The following GPR19 variants were observed in gnomAD, a reference collection of about 807,000 sequenced individuals.
GPR19 encodes G protein-coupled receptor 19.
A neutral mutation model predicts 28.5 loss-of-function variants in GPR19; 14 were observed. The ratio of observed to expected loss-of-function variants is 0.49; its 90% confidence interval spans 0.32 to 0.77. The LOEUF (loss-of-function observed/expected upper bound fraction) is 0.77. GPR19 is among the 30% of genes least tolerant of loss of function. The pLI is 0.03. For synonymous variants in GPR19, 173 were observed against 184.1 expected (o/e 0.94, Z 0.49); for missense variants, 409 against 504.1 (o/e 0.81, Z 1.81).
chr12:12,712,284 T>C, the GPR19 span, among the ~76,000 whole-genome samples: 2 of 152,200 alleles, frequency 1.3e-5, no homozygotes, highest in African/African-American at 2.4e-5. Context: ...CTGCCCAGCT[T>C]TTCATTTAGC....
At chr12:12,694,476 G>C (rs1364017564) in intron 2 of GPR19, among the ~76,000 whole-genome samples, 62 of 151,872 alleles carry the variant, frequency 4.1e-4, no homozygotes, top group Non-Finnish European at 1.0e-4. Flanking sequence ...AAAGTGCTGA[G>C]ATTACAGGCG....
At chr12:12,701,693 G>A in the GPR19 span, among the ~76,000 whole-genome samples, 1 of 152,138 alleles carries the variant, frequency 6.6e-6, no homozygotes, top group Admixed American at 6.5e-5. Context: ...CACTGTGGGA[G>A]GCCAAGGCAG....
the GPR19 span, chr12:12,717,169 A>G: frequency 9.7e-7 from 1 of 1,036,064 alleles, no homozygotes; most frequent in East Asian, 5.9e-5. Flanking sequence ...TGGCAGCAGT[A>G]CCCCTCCAGC....
intron 2 of GPR19, among the ~76,000 whole-genome samples, chr12:12,685,282 T>TGG (rs138327192): frequency 5.9e-5 from 8 of 135,498 alleles, no homozygotes; most frequent in East Asian, 4.3e-4. Context: ...TTTTTTTTGG[T>TGG]GGGGGGGAGG....
chr12:12,666,007 G>A (rs1221789084), intron 3 of GPR19, among the ~76,000 whole-genome samples: 1 of 152,120 alleles, frequency 6.6e-6, no homozygotes, highest in Non-Finnish European at 1.5e-5. Context: ...AGGCTTCACA[G>A]AAGAGGTAAA....
chr12:12,694,528 C>T (rs1209999629), intron 2 of GPR19, among the ~76,000 whole-genome samples: 1 of 152,050 alleles, frequency 6.6e-6, no homozygotes, highest in Non-Finnish European at 1.5e-5. Context: ...TGTCTTAAAG[C>T]TCCCTAAATA....
At chr12:12,664,783 G>A (rs1477771057) in intron 3 of GPR19, among the ~76,000 whole-genome samples, 1 of 151,926 alleles carries the variant, frequency 6.6e-6, no homozygotes, top group Admixed American at 6.6e-5. Flanking sequence ...AGCCGGGCGT[G>A]GTGGCAGGCG....
the GPR19 span, among the ~76,000 whole-genome samples, chr12:12,707,437 G>A: frequency 6.6e-6 from 1 of 152,204 alleles, no homozygotes; most frequent in Non-Finnish European, 1.5e-5. Context: ...TTTGTTCTCT[G>A]CTGTGTCCTC....
At chr12:12,713,412 G>GGCCCC in the GPR19 span, among the ~76,000 whole-genome samples, 68 of 152,024 alleles carry the variant, frequency 4.5e-4, no homozygotes, top group African/African-American at 1.5e-3. Flanking sequence ...ATCCACCATG[G>GGCCCC]GCCCCCCTGC....
At chr12:12,667,426 C>T (rs1366627841) in intron 3 of GPR19, among the ~76,000 whole-genome samples, 1 of 152,146 alleles carries the variant, frequency 6.6e-6, no homozygotes, top group East Asian at 1.9e-4. Flanking sequence ...CATGGTGGCT[C>T]ATACCTGTAA....
chr12:12,664,919 C>CAAAAAA (rs746346681), intron 3 of GPR19, among the ~76,000 whole-genome samples: 23 of 31,110 alleles, frequency 7.4e-4, no homozygotes, highest in African/African-American at 1.9e-3. Context: ...GACGCCATCT[C>CAAAAAA]AAAAAAAAAA....
upstream of GPR19, among the ~76,000 whole-genome samples, chr12:12,697,179 C>CAAAAAAAAA (rs1946279518): frequency 9.9e-5 from 2 of 20,166 alleles, no homozygotes; most frequent in Non-Finnish European, 1.5e-4. Context: ...AAAAAAAAAG[C>CAAAAAAAAA]AGCCATGCAA....
chr12:12,713,039 C>T, the GPR19 span, among the ~76,000 whole-genome samples: 1 of 150,272 alleles, frequency 6.7e-6, no homozygotes, highest in Non-Finnish European at 1.5e-5. Context: ...CCTACCTGGT[C>T]CTATCTGATC....
At chr12:12,685,733 C>T (rs1372824380) in intron 2 of GPR19, among the ~76,000 whole-genome samples, 1 of 152,158 alleles carries the variant, frequency 6.6e-6, no homozygotes, top group Non-Finnish European at 1.5e-5. Flanking sequence ...CTGCTTCTTT[C>T]CTTAAAAATC....
At chr12:12,671,270 C>A (rs1466731868) in intron 3 of GPR19, among the ~76,000 whole-genome samples, 3 of 150,692 alleles carry the variant, frequency 2.0e-5, no homozygotes, top group Non-Finnish European at 4.4e-5. Flanking sequence ...TACACCACTG[C>A]ACTCCAACCC....
the GPR19 span, among the ~76,000 whole-genome samples, chr12:12,709,137 A>AG: frequency 1.3e-5 from 2 of 152,076 alleles, no homozygotes; most frequent in African/African-American, 4.8e-5. Flanking sequence ...CTTGGAGCAA[A>AG]GGGGGGGAAA....
the GPR19 span, among the ~76,000 whole-genome samples, chr12:12,704,457 G>A: frequency 1.3e-5 from 2 of 152,160 alleles, no homozygotes; most frequent in African/African-American, 2.4e-5. Context: ...AGCCGAGATC[G>A]TGCCACTGCA....
At chr12:12,691,031 CTG>C (rs1193706863) in intron 2 of GPR19, among the ~76,000 whole-genome samples, 1 of 152,160 alleles carries the variant, frequency 6.6e-6, no homozygotes, top group Admixed American at 6.5e-5. Flanking sequence ...ATTGAGTTGA[CTG>C]TTTTTAAATA....
the GPR19 span, among the ~76,000 whole-genome samples, chr12:12,709,095 G>A: frequency 1.3e-5 from 2 of 152,058 alleles, no homozygotes; most frequent in Non-Finnish European, 2.9e-5. Context: ...GGATGACTTG[G>A]GTTCAACCAA....
Sources: allele counts gnomAD v4.1 joint callset (sites outside exome capture counted in the v4.1 genomes callset), GRCh38; gene constraint gnomAD v4.1.1; transcripts MANE v1.5; gene names NCBI Gene and HGNC (gene_info 2026-07-23, HGNC 2026-07-21).